Variants in OGFR observed in about 807,000 individuals in gnomAD.
OGFR encodes opioid growth factor receptor, also known as protein 7-60.
In OGFR, 18 loss-of-function variants were observed where a neutral mutation model predicts 33.6. That is an observed-to-expected ratio of 0.54 (90% CI 0.37 to 0.80). The LOEUF is 0.80. OGFR is among the 30% of genes least tolerant of loss of function. The probability of loss-of-function intolerance (pLI) is 0.00; values close to 1 mark genes in which losing one functional copy is unlikely to be tolerated. For synonymous variants in OGFR, 370 were observed against 400.7 expected (o/e 0.92, Z 0.91); for missense variants, 877 against 955.8 (o/e 0.92, Z 1.09).
At chr20:62,811,639 C>T (rs769757889) in intron 6 of OGFR, 29 bp downstream of exon 6, 22 of 1,532,806 alleles carry the variant, frequency 1.4e-5, no homozygotes, top group Middle Eastern at 3.5e-4. Context: ...CGCCCACCCC[C>T]ACCCCGGCGC....
chr20:62,811,807 G>T (rs1202111001), intron 6 of OGFR, among the ~76,000 whole-genome samples, 197 bp downstream of exon 6: 3 of 152,182 alleles, frequency 2.0e-5, no homozygotes, highest in African/African-American at 7.2e-5. Context: ...AGAAGGTAAA[G>T]AATGCTCTTC....
At chr20:62,806,798 T>C in intron 1 of OGFR, 1 of 152,602 alleles carries the variant, frequency 6.6e-6, no homozygotes. Context: ...AGGTCAGGGC[T>C]GTGTCCCACC....
rs929445722 is a variant in OGFR at position 62,813,895 on chromosome 20, T to C, written c.*246T>C. ...CCCACCCAGCTCTCCCCTGCGCCCC[T>C]GTCTTTGTAAATTGACCCTTCTGGA... On this transcript the variant is annotated 3_prime_UTR_variant, in exon 7 of 7. Transcript: ENST00000290291. 2 of 585,896 alleles carry C rather than the reference T, an allele frequency of 3.4e-6. No homozygotes were observed. Among genetic ancestry groups the C allele is most frequent in the African/African-American group, 3.7e-5 (2 of 53,622 alleles). The allele number at this position is 585,896 out of a possible 1,614,324, so 36.3% of individuals were successfully genotyped here. A position where few individuals can be genotyped will look rare whatever the true frequency, so the allele number is the denominator to read the frequency against.
chr20:62,804,935 G>C lies in OGFR; in HGVS notation c.76G>C (p.Glu26Gln), dbSNP rs1990547712. 6.7e-7 allele frequency: 1 copy of C among 1,494,734 alleles called. No individual in the cohort carries two copies. The highest frequency in any genetic ancestry group is 8.9e-7 in the Non-Finnish European group (1 of 1,122,316). The allele number at this position is 1,494,734 out of a possible 1,614,324, so 92.6% of individuals were successfully genotyped here. A position where few individuals can be genotyped will look rare whatever the true frequency, so the allele number is the denominator to read the frequency against. ...DAEDAEDEDC[E>Q]DGEAAGARDA... Reference sequence around the variant, plus strand: ...GGAGGACGCGGAGGACGAGGACTGCGAGGACGGCGAGGCCGCCGGCGCGAG... The same window carrying C: ...GGAGGACGCGGAGGACGAGGACTGCCAGGACGGCGAGGCCGCCGGCGCGAG... Residue 26 changes from glutamate (E) to glutamine (Q), a missense_variant, in exon 1 of 7, where the codon GAG becomes CAG. Physicochemically the swap from Glu to Gln is conservative, Grantham distance 29. Coordinates refer to ENST00000290291, the MANE Select transcript of OGFR (RefSeq NM_007346.4).
rs536397942 is a variant in OGFR, at chr20:62,805,249, G to A, written c.171+219G>A. 4.4e-3 allele frequency among the ~76,000 whole-genome samples: 669 copies of A among 151,918 alleles called. 8 individuals are homozygous for A. Among genetic ancestry groups the A allele is most frequent in the Non-Finnish European group, 4.8e-3 (325 of 67,888 alleles). On this transcript the variant is annotated intron_variant, in intron 1 of 6. Transcript: ENST00000290291. Reference sequence around the variant, plus strand: ...GTGACAGCGGAGCTGAGCCTCCCGGGCCCCATCGTGTGTGGGCGCCGTTCC... The same window carrying A: ...GTGACAGCGGAGCTGAGCCTCCCGGACCCCATCGTGTGTGGGCGCCGTTCC...
chr20:62,811,962 C>T (rs35983138), intron 6 of OGFR, among the ~76,000 whole-genome samples: 33,174 of 152,198 alleles, frequency 0.22, 3,863 homozygotes, highest in African/African-American at 0.27. Flanking sequence ...CCAGCTCCTC[C>T]CCACCAGGGG....
rs564432812 is a variant in OGFR at position 62,812,846 on chromosome 20, G to T, written c.1231G>T (p.Ala411Ser). Reference sequence around the variant, plus strand: ...GAGTGCCTCAGAGGTGGAGAAGATCGCTCTGAATTTGGAGGGGTGTGCCCT... The same window carrying T: ...GAGTGCCTCAGAGGTGGAGAAGATCTCTCTGAATTTGGAGGGGTGTGCCCT... Reference protein sequence around the residue: ...PQSASEVEKIALNLEGCALSQ... With the variant: ...PQSASEVEKISLNLEGCALSQ... The change falls in exon 7 of 7, where the codon GCT becomes TCT. Residue 411 changes from alanine to serine, a missense_variant. Coordinates refer to ENST00000290291, the MANE Select transcript of OGFR (RefSeq NM_007346.4). The T allele has an allele frequency of 6.8e-6, 11 of 1,612,622 alleles. No individual in the cohort carries two copies. The highest frequency in any genetic ancestry group is 9.3e-6 in the Non-Finnish European group (11 of 1,179,968).
chr20:62,805,175 C>A, intron 1 of OGFR, 145 bp downstream of exon 1: 1 of 538,498 alleles, frequency 1.9e-6, no homozygotes, highest in East Asian at 3.7e-5. Context: ...CCAGACCGGC[C>A]GACCCCCAGC....
intron 6 of OGFR, 103 bp from the exon 7 acceptor site, chr20:62,812,126 TG>T: frequency 2.1e-6 from 2 of 959,178 alleles, no homozygotes; most frequent in Non-Finnish European, 3.0e-6. Flanking sequence ...TGGGCCAGGG[TG>T]GGGAGACCTC....
In OGFR at chr20:62,812,745, T is replaced by C. The variant is rs1412092717; in HGVS notation, c.1130T>C (p.Leu377Ser). The change falls in exon 7 of 7, where the codon TTA becomes TCA. Residue 377 changes from leucine to serine, a missense_variant. Leu to Ser is a moderately radical substitution (Grantham distance 145). Around this residue, in one of 3 missense-constraint regions of OGFR, gnomAD observed 760 missense variants for 736.0 expected, o/e 1.03. Transcript: ENST00000290291. ...CACGGGGAAGATAGGCCGGAGCCCT[T>C]AAGCCCCAAAGAGAGCAAGAAGAGG... is the stretch of plus-strand genomic sequence containing the variant. ...GGHGEDRPEPLSPKESKKRKL... is the reference protein window; with the variant it reads ...GGHGEDRPEPSSPKESKKRKL... 1 of 1,608,510 alleles carries C rather than the reference T, an allele frequency of 6.2e-7. No homozygotes were observed. Among genetic ancestry groups the C allele is most frequent in the Non-Finnish European group, 8.5e-7 (1 of 1,178,052 alleles).
chr20:62,807,256 G>A lies in OGFR; in HGVS notation c.172-281G>A, dbSNP rs2147182480. The A allele has an allele frequency of 3.0e-5, 15 of 506,890 alleles. No homozygotes were observed. In the South Asian group the frequency reaches 3.4e-4, roughly 12 times the overall value. 31.4% of individuals were successfully genotyped at this position (506,890 alleles called of 1,614,324 possible). On this transcript the variant is annotated intron_variant, in intron 1 of 6. Transcript: ENST00000290291. ...GGCCACCCTAAGGTGGAAGCCAGGA[G>A]TCCCAAAGGGGCCTAGAGAAGGAGC...
chr20:62,804,910 G>A lies in OGFR; in HGVS notation c.51G>A (p.Ala17=). 1 of 1,494,868 alleles carries A rather than the reference G, an allele frequency of 6.7e-7. No homozygotes were observed. The highest frequency in any genetic ancestry group is 8.9e-7 in the Non-Finnish European group (1 of 1,122,582). The allele number at this position is 1,494,868 out of a possible 1,614,324, so 92.6% of individuals were successfully genotyped here. A position where few individuals can be genotyped will look rare whatever the true frequency, so the allele number is the denominator to read the frequency against. ...CCTGGGAGGAGGACGAGGAGGATGCGGAGGACGCGGAGGACGAGGACTGCG... is the reference window on the plus strand; with the variant it reads ...CCTGGGAGGAGGACGAGGAGGATGCAGAGGACGCGGAGGACGAGGACTGCG... ...DSTWEEDEED[A]EDAEDEDCED... Residue 17 remains alanine (A), a synonymous_variant, in exon 1 of 7, where the codon GCG becomes GCA. Transcript: ENST00000290291.
chr20:62,812,387 A>T lies in OGFR; in HGVS notation c.772A>T (p.Met258Leu). Residue 258 changes from methionine (M) to leucine (L), a missense_variant, in exon 7 of 7, where the codon ATG becomes TTG. Met to Leu is a conservative substitution (Grantham distance 15). Transcript: ENST00000290291. ...GVRQSALDYF[M>L]FAVRCRHQRR... ...GCGGCAGAGTGCCCTGGACTACTTC[A>T]TGTTCGCCGTGCGCTGCCGACACCA... is the stretch of plus-strand genomic sequence containing the variant. 6.3e-7 allele frequency: 1 copy of T among 1,579,862 alleles called. No homozygotes were observed. The highest frequency in any genetic ancestry group is 1.3e-5 in the African/African-American group (1 of 74,166).
In OGFR at chr20:62,812,713, A is replaced by AG; in HGVS notation, c.1103dup (p.His369ProfsTer5). On this transcript the variant is annotated frameshift_variant, in exon 7 of 7. Transcript: ENST00000290291. LOFTEE classifies it low-confidence loss of function (END_TRUNC). ...TGGAGAGGAGCCAGGGGGATGAGGC[A>AG]GGGGGCCACGGGGAAGATAGGCCGG... 6.3e-7 allele frequency: 1 copy of AG among 1,589,322 alleles called. No individual in the cohort carries two copies. Among genetic ancestry groups the AG allele is most frequent in the African/African-American group, 1.3e-5 (1 of 74,506 alleles).
At chr20:62,811,826 A>G (rs956161203) in intron 6 of OGFR, among the ~76,000 whole-genome samples, 1 of 152,192 alleles carries the variant, frequency 6.6e-6, no homozygotes, top group Non-Finnish European at 1.5e-5. Context: ...TCCTGCACCC[A>G]GGAGGTGGCA....
intron 1 of OGFR, chr20:62,806,749 C>G (rs926128915): frequency 6.6e-6 from 1 of 152,326 alleles, no homozygotes; most frequent in Non-Finnish European, 1.5e-5. Context: ...CCCTACCCAC[C>G]GAGTGAGGCT....
intron 4 of OGFR, 143 bp downstream of exon 4, chr20:62,809,806 G>A (rs1332956971): frequency 1.7e-5 from 12 of 702,388 alleles, no homozygotes; most frequent in Middle Eastern, 5.5e-4. Flanking sequence ...CACATTACAC[G>A]GATGGACATT....
intron 3 of OGFR, 37 bp from the exon 4 acceptor site, chr20:62,809,548 G>A (rs1421569458): frequency 2.6e-6 from 4 of 1,548,570 alleles, no homozygotes; most frequent in African/African-American, 2.7e-5. Context: ...CGGGCAGGGT[G>A]GCTGCCACAG....
intron 3 of OGFR, among the ~76,000 whole-genome samples, chr20:62,808,712 G>A (rs746005376): frequency 1.3e-5 from 2 of 152,090 alleles, no homozygotes; most frequent in Non-Finnish European, 2.9e-5. Context: ...GGTGGCTCAC[G>A]CTTGTAATCC....
Sources: gnomAD v4.1 joint callset for allele counts (sites outside exome capture counted in the v4.1 genomes callset) on GRCh38, gnomAD v4.1.1 for gene constraint, gnomAD v4.1.1 regional missense constraint, MANE v1.5 for transcripts, NCBI Gene and HGNC (gene_info 2026-07-23, HGNC 2026-07-21) for gene names.